Variants in PCNT observed in about 807,000 individuals in gnomAD.
PCNT encodes pericentrin.
PCNT carries 319 observed loss-of-function variants against 380.4 expected under a neutral mutation model. The observed-to-expected ratio is 0.84, with a 90% confidence interval of 0.77 to 0.92. PCNT has a LOEUF of 0.92. Among genes scored for constraint, PCNT ranks in the 40% least tolerant of loss-of-function variants. The pLI, the probability that PCNT is intolerant of heterozygous loss-of-function variation, is 0.00. For missense variants in PCNT, 4,400 were observed against 4,255.3 expected (o/e 1.03, Z -0.95); for synonymous variants, 1,845 against 1,735.2 (o/e 1.06, Z -1.57).
chr21:46,411,949 C>G lies in PCNT; in HGVS notation c.5876C>G (p.Thr1959Arg). The change falls in exon 28 of 47, where the codon ACA becomes AGA. Residue 1959 changes from threonine (T) to arginine (R), a missense_variant. Coordinates refer to ENST00000359568, the MANE Select transcript of PCNT (RefSeq NM_006031.6). ...CAGGCCCGCAGAGCCACAGCTCACA[C>G]ACGGGTGCCCGGGGCCCACCCACAG... ...RRQARRATAH[T>R]RVPGAHPQPR... 13 of 1,597,476 alleles carry G rather than the reference C, an allele frequency of 8.1e-6. No homozygotes were observed. Among genetic ancestry groups the G allele is most frequent in the Non-Finnish European group, 1.1e-5 (13 of 1,178,898 alleles).
intron 4 of PCNT, among the ~76,000 whole-genome samples, 165 bp downstream of exon 4, chr21:46,346,373 A>G (rs921595467): frequency 2.0e-5 from 3 of 152,006 alleles, no homozygotes; most frequent in African/African-American, 7.3e-5. Flanking sequence ...GGTGGAGGAG[A>G]CACACGTGGA....
intron 16 of PCNT, 63 bp from the exon 17 acceptor site, chr21:46,385,769 C>T (rs1334698392): frequency 4.5e-6 from 7 of 1,556,072 alleles, no homozygotes; most frequent in Admixed American, 1.7e-5. Context: ...TTGAAAGTCC[C>T]TTACAGCCAT....
Position 46,425,546 on chromosome 21 carries a change from G to A in PCNT, c.7180-285G>A, listed in dbSNP as rs772606900. On this transcript the variant is annotated intron_variant, in intron 32 of 46. Coordinates refer to ENST00000359568, the MANE Select transcript of PCNT (RefSeq NM_006031.6). This position sits in a 1 kb window ranked among gnomAD's most constrained non-coding sequence, Gnocchi z 4.2. ...GGGACGGTGTCCCCCTCAGGGAGCA[G>A]GTGGAGTGGAGGAAGTGGCGGGGCC... Among the ~76,000 whole-genome samples the A allele has an allele frequency of 6.6e-6, 1 of 152,262 alleles. No individual in the cohort carries two copies. The highest frequency in any genetic ancestry group is 2.4e-5 in the African/African-American group (1 of 41,468).
chr21:46,402,692 C>T lies in PCNT; in HGVS notation c.5115+209C>T, dbSNP rs148268295. On this transcript the variant is annotated intron_variant, in intron 27 of 46. Transcript: ENST00000359568. ...CTAGGGATCTTGAGTGAGGAACCAGCGACCCCTGCCCCAAACTGCTTTCTG... is the reference window on the plus strand; with the variant it reads ...CTAGGGATCTTGAGTGAGGAACCAGTGACCCCTGCCCCAAACTGCTTTCTG... Among the ~76,000 whole-genome samples, 175 of 152,264 alleles carry T rather than the reference C, an allele frequency of 1.1e-3. 2 individuals are homozygous for T. The highest frequency in any genetic ancestry group is 0.01 in the East Asian group (53 of 5,178).
intron 40 of PCNT, 74 bp from the exon 41 acceptor site, chr21:46,438,090 G>T: frequency 8.3e-7 from 1 of 1,210,366 alleles, no homozygotes; most frequent in South Asian, 1.3e-5. Context: ...AAAAATAACT[G>T]TTGACAAAAA....
chr21:46,430,001 C>T lies in PCNT; in HGVS notation c.7691-9C>T, dbSNP rs1265918717. 6.2e-7 allele frequency: 1 copy of T among 1,612,902 alleles called. No individual in the cohort carries two copies. The highest frequency in any genetic ancestry group is 1.1e-5 in the South Asian group (1 of 91,032). ...TGGGGGCCTGTTACTGTTCTTTTGT[C>T]TTTCTCAGTTGAACTGCTGGCTTAT... is the stretch of plus-strand genomic sequence containing the variant. On this transcript the variant is annotated splice_polypyrimidine_tract_variant and intron_variant, in intron 35 of 46. Coordinates refer to ENST00000359568, the MANE Select transcript of PCNT (RefSeq NM_006031.6).
chr21:46,415,100 G>A (rs889372150), intron 29 of PCNT, among the ~76,000 whole-genome samples: 5 of 152,242 alleles, frequency 3.3e-5, no homozygotes, highest in African/African-American at 7.2e-5. Flanking sequence ...CCCGCACGTC[G>A]CTGGGACGTT....
chr21:46,427,554 G>T, intron 33 of PCNT, 68 bp from the exon 34 acceptor site: 1 of 1,595,036 alleles, frequency 6.3e-7, no homozygotes, highest in Admixed American at 1.7e-5. Context: ...CAGTCACACT[G>T]CGAACTTTAG....
chr21:46,407,467 G>A (rs942426046), intron 27 of PCNT, among the ~76,000 whole-genome samples: 36 of 148,028 alleles, frequency 2.4e-4, no homozygotes, highest in African/African-American at 7.5e-4. Context: ...TCAGCCTCCC[G>A]AGTAGCTGGG....
chr21:46,388,890 T>C lies in PCNT; in HGVS notation c.3607+6T>C, dbSNP rs1472720078. 1.9e-6 allele frequency: 3 copies of C among 1,594,706 alleles called. No individual in the cohort carries two copies. Among genetic ancestry groups the C allele is most frequent in the Admixed American group, 1.7e-5 (1 of 58,080 alleles). On this transcript the variant is annotated splice_donor_region_variant and intron_variant, in intron 18 of 46. Coordinates refer to ENST00000359568, the MANE Select transcript of PCNT (RefSeq NM_006031.6). This position sits in a 1 kb window ranked among gnomAD's most constrained non-coding sequence, Gnocchi z 4.2. ...AGGCCTGGCCCTGTCGACAGGTGAG[T>C]GTGCCGGGACCAGCTGCCCAGCCCT...
chr21:46,366,806 A>G lies in PCNT; in HGVS notation c.2832A>G (p.Ala944=). ...GCAAGCAGGGGGCTCTGCTGGCTGC[A>G]CGTGTGGCCGAACTGCAGACAAAAC... ...LESKQGALLA[A]RVAELQTKHA... is the part of the protein sequence containing the mutation. Residue 944 remains alanine (A), a synonymous_variant, in exon 15 of 47, where the codon GCA becomes GCG. Coordinates refer to ENST00000359568, the MANE Select transcript of PCNT (RefSeq NM_006031.6). The G allele has an allele frequency of 6.2e-7, 1 of 1,613,788 alleles. No individual in the cohort carries two copies. The highest frequency in any genetic ancestry group is 1.6e-4 in the Middle Eastern group (1 of 6,062).
At chr21:46,353,920 G>C in intron 10 of PCNT, 67 bp from the exon 11 acceptor site, 1 of 1,366,752 alleles carries the variant, frequency 7.3e-7, no homozygotes, top group Non-Finnish European at 1.0e-6. Flanking sequence ...CGGTCCTGGG[G>C]AGGGAATGGC....
At chr21:46,422,422 CGCCTGTGCCTCCCTCCT>C (rs58502414) in intron 32 of PCNT, among the ~76,000 whole-genome samples, 1 of 151,822 alleles carries the variant, frequency 6.6e-6, no homozygotes, top group African/African-American at 2.4e-5. Flanking sequence ...GCCTCTCTCC[CGCCTGTGCCTCCCTCCT>C]GCCTGTGCCC....
intron 16 of PCNT, 58 bp downstream of exon 16, chr21:46,381,898 C>T (rs1212602247): frequency 1.9e-6 from 3 of 1,579,172 alleles, no homozygotes; most frequent in African/African-American, 1.3e-5. Flanking sequence ...AAATCATTTT[C>T]ACTTTATTTC....
At chr21:46,356,221 G>C (rs1189546012) in intron 12 of PCNT, among the ~76,000 whole-genome samples, 7 of 152,332 alleles carry the variant, frequency 4.6e-5, no homozygotes, top group East Asian at 3.9e-4. Context: ...CGTCCATGGT[G>C]GGGGTGAGGG....
chr21:46,412,067 G>T lies in PCNT; in HGVS notation c.5994G>T (p.Gln1998His). 2 of 1,606,216 alleles carry T rather than the reference G, an allele frequency of 1.2e-6. No individual in the cohort carries two copies. Among genetic ancestry groups the T allele is most frequent in the Non-Finnish European group, 1.7e-6 (2 of 1,179,762 alleles). Residue 1998 changes from glutamine (Q) to histidine (H), a missense_variant and splice_region_variant, in exon 28 of 47, where the codon CAG becomes CAT. Coordinates refer to ENST00000359568, the MANE Select transcript of PCNT (RefSeq NM_006031.6). ...TGGAGCCGGTTGTCCCTGACCCACA[G>T]GTGGGCTCCCCCCGCGGGCCATGGC... ...AALEPVVPDP[Q>H]GDLQPVLVTL...
chr21:46,367,052 G>A lies in PCNT; in HGVS notation c.3078G>A (p.Glu1026=). ...LEKLKRKHEG[E]LQSVRDHLRT... ...AACTGAAGCGGAAACACGAAGGGGA[G>A]CTACAGTCTGTGCGGGACCACCTGC... Residue 1026 remains glutamate (E), a synonymous_variant, in exon 15 of 47, where the codon GAG becomes GAA. Transcript: ENST00000359568. 1 of 1,614,008 alleles carries A rather than the reference G, an allele frequency of 6.2e-7. No homozygotes were observed. Among genetic ancestry groups the A allele is most frequent in the Non-Finnish European group, 8.5e-7 (1 of 1,179,990 alleles).
intron 29 of PCNT, among the ~76,000 whole-genome samples, chr21:46,414,993 G>A (rs1202845249): frequency 2.6e-5 from 4 of 152,252 alleles, no homozygotes; most frequent in Non-Finnish European, 5.9e-5. Flanking sequence ...TGCTGGGCAG[G>A]TGTTTTATGG....
rs1411123274 is a variant in PCNT at position 46,445,660 on chromosome 21, CTGT to C, written c.*338_*340del. The C allele has an allele frequency of 1.2e-5, 4 of 322,776 alleles. No individual in the cohort carries two copies. Among genetic ancestry groups the C allele is most frequent in the Non-Finnish European group, 2.3e-5 (4 of 176,402 alleles). 20.0% of individuals were successfully genotyped at this position (322,776 alleles called of 1,614,324 possible). A position where few individuals can be genotyped will look rare whatever the true frequency, so the allele number is the denominator to read the frequency against. ...AGGAGGATACACAGAGAATGGCTTC[CTGT>C]TGTTTTGTTTATTTTCTTAACGTGT... On this transcript the variant is annotated 3_prime_UTR_variant, in exon 47 of 47. Coordinates refer to ENST00000359568, the MANE Select transcript of PCNT (RefSeq NM_006031.6).
Sources: gnomAD v4.1 joint callset for allele counts (sites outside exome capture counted in the v4.1 genomes callset) on GRCh38, gnomAD v4.1.1 for gene constraint, Gnocchi (gnomAD v3.1) non-coding constraint, MANE v1.5 for transcripts, NCBI Gene and HGNC (gene_info 2026-07-23, HGNC 2026-07-21) for gene names.